The following PDE4B variants were observed in gnomAD, a reference collection of about 807,000 sequenced individuals.
PDE4B encodes the protein phosphodiesterase 4B.
A neutral mutation model predicts 82.2 loss-of-function variants in PDE4B; 20 were observed. The ratio of observed to expected loss-of-function variants is 0.24; its 90% CI spans 0.17 to 0.35. The LOEUF (loss-of-function observed/expected upper bound fraction) is 0.35. Ranked by LOEUF, PDE4B falls within the 10% of genes least tolerant of loss-of-function variation. The probability of loss-of-function intolerance (pLI) is 1.00; values close to 1 mark genes in which losing one functional copy is unlikely to be tolerated. For synonymous variants in PDE4B, 320 were observed against 318.9 expected, an observed-to-expected ratio of 1.00 and a Z score of -0.04; for missense variants, 655 against 907.2, an observed-to-expected ratio of 0.72 and a Z score of 3.57.
intron 3 of PDE4B, among the ~76,000 whole-genome samples, chr1:66,222,887 C>T (rs76537799): frequency 0.13 from 19,340 of 152,080 alleles, 1,422 homozygotes; most frequent in Non-Finnish European, 0.17. Flanking sequence ...GAAAAATTGG[C>T]ATCTTAATGG....
intron 8 of PDE4B, among the ~76,000 whole-genome samples, chr1:66,338,111 C>A (rs1011762149): frequency 2.0e-5 from 3 of 152,210 alleles, no homozygotes; most frequent in Middle Eastern, 3.2e-3. Flanking sequence ...TTACCTCATT[C>A]TGTAATCAAT....
At chr1:65,955,939 A>G (rs1649236552) in intron 3 of PDE4B, among the ~76,000 whole-genome samples, 1 of 152,148 alleles carries the variant, frequency 6.6e-6, no homozygotes, top group South Asian at 2.1e-4. Context: ...AAAAAGAAAT[A>G]TGCTACCACT....
intron 3 of PDE4B, among the ~76,000 whole-genome samples, chr1:66,113,981 G>A (rs535169702): frequency 2.6e-5 from 4 of 152,216 alleles, no homozygotes; most frequent in African/African-American, 7.2e-5. Flanking sequence ...CTGAATGTTC[G>A]TGTCTCCCTA....
In PDE4B at chr1:66,030,076, A is replaced by G. The variant is rs1340461748; in HGVS notation, c.281+111241A>G. ...TTATCATGAAGGGATGTTGGATTTT[A>G]TTGAAGGCTTTTTCTGCATCTATTG... is the stretch of plus-strand genomic sequence containing the variant. On this transcript the variant is annotated intron_variant, in intron 3 of 16. Transcript: ENST00000341517. Among the ~76,000 whole-genome samples, 3 of 133,638 alleles carry G rather than the reference A, an allele frequency of 2.2e-5. No individual in the cohort carries two copies. The East Asian group carries it at 6.6e-4, about 29-fold the overall frequency. 87.7% of individuals were successfully genotyped at this position (133,638 alleles called of 152,430 possible).
chr1:66,029,634 A>G (rs932536234), intron 3 of PDE4B, among the ~76,000 whole-genome samples: 3 of 152,196 alleles, frequency 2.0e-5, no homozygotes, highest in African/African-American at 7.2e-5. Flanking sequence ...GTATGTATGA[A>G]TGTTACTTTT....
At chr1:66,291,371 A>G (rs1657066932) in intron 7 of PDE4B, among the ~76,000 whole-genome samples, 1 of 152,200 alleles carries the variant, frequency 6.6e-6, no homozygotes, top group African/African-American at 2.4e-5. Context: ...CAAGTACAGT[A>G]TAATGGCAAA....
intron 1 of PDE4B, among the ~76,000 whole-genome samples, chr1:65,819,730 A>T (rs138003403): frequency 2.1e-3 from 322 of 151,956 alleles, no homozygotes; most frequent in African/African-American, 6.7e-3. Flanking sequence ...CGATCTCCTG[A>T]CCTCATGATC....
chr1:65,983,109 T>C (rs888744371), intron 3 of PDE4B, among the ~76,000 whole-genome samples: 3 of 152,248 alleles, frequency 2.0e-5, no homozygotes, highest in East Asian at 1.9e-4. Context: ...TTTGGACTTA[T>C]GATCTCTTTC....
intron 3 of PDE4B, among the ~76,000 whole-genome samples, chr1:66,093,553 C>T (rs1219572832): frequency 6.6e-6 from 1 of 151,896 alleles, no homozygotes; most frequent in Non-Finnish European, 1.5e-5. Flanking sequence ...CAATATGGAC[C>T]GTATGTCATA....
chr1:66,048,003 G>T (rs546502021), intron 3 of PDE4B, among the ~76,000 whole-genome samples: 1 of 151,846 alleles, frequency 6.6e-6, no homozygotes, highest in African/African-American at 2.4e-5. Context: ...TCTTTCTTTG[G>T]ATGGCGTCTA....
chr1:66,000,708 A>G (rs1279339011), intron 3 of PDE4B, among the ~76,000 whole-genome samples: 1 of 152,214 alleles, frequency 6.6e-6, no homozygotes, highest in Non-Finnish European at 1.5e-5. Flanking sequence ...GAGAATGCCT[A>G]TGAGATGATG....
intron 3 of PDE4B, among the ~76,000 whole-genome samples, chr1:65,978,440 G>T (rs1650524560): frequency 1.3e-5 from 2 of 152,162 alleles, no homozygotes; most frequent in Non-Finnish European, 2.9e-5. Flanking sequence ...CAGAAAGCCT[G>T]AAGGAATTTC....
intron 3 of PDE4B, among the ~76,000 whole-genome samples, chr1:66,118,953 A>G (rs1645653848): frequency 6.6e-6 from 1 of 152,178 alleles, no homozygotes; most frequent in Non-Finnish European, 1.5e-5. Flanking sequence ...TCTCACAGGA[A>G]CAGCTAATGT....
intron 3 of PDE4B, among the ~76,000 whole-genome samples, chr1:66,034,691 C>T (rs971478138): frequency 6.6e-6 from 1 of 152,168 alleles, no homozygotes; most frequent in Non-Finnish European, 1.5e-5. Flanking sequence ...GAATGAACCT[C>T]ACTTTTCTGT....
chr1:65,828,064 C>T (rs1022653506), intron 1 of PDE4B, among the ~76,000 whole-genome samples: 9 of 151,912 alleles, frequency 5.9e-5, no homozygotes, highest in Non-Finnish European at 8.8e-5. Flanking sequence ...GAAAATTAAA[C>T]GCCTTCTCAG....
intron 3 of PDE4B, among the ~76,000 whole-genome samples, chr1:66,068,770 C>A (rs969156392): frequency 6.6e-6 from 1 of 151,898 alleles, no homozygotes; most frequent in Non-Finnish European, 1.5e-5. Flanking sequence ...AATCTGGGAT[C>A]ATGGAAAAGG....
chr1:66,268,667 CAAAAAAAAAAAAAAA>C (rs36046564), intron 7 of PDE4B, among the ~76,000 whole-genome samples: 1 of 61,238 alleles, frequency 1.6e-5, no homozygotes, highest in African/African-American at 7.2e-5. Context: ...GACTCCATCT[CAAAAAAAAAAAAAAA>C]AAAAAAAAAG....
At chr1:66,101,596 T>A (rs1247809972) in intron 3 of PDE4B, among the ~76,000 whole-genome samples, 7 of 152,204 alleles carry the variant, frequency 4.6e-5, no homozygotes, top group Non-Finnish European at 8.8e-5. Flanking sequence ...TGATGAGCAT[T>A]TTTTCATGTG....
chr1:66,268,881 T>C (rs1441394957), intron 7 of PDE4B, among the ~76,000 whole-genome samples: 2 of 152,128 alleles, frequency 1.3e-5, no homozygotes, highest in Non-Finnish European at 2.9e-5. Flanking sequence ...TGATATACTT[T>C]AATTCAAGGC....
Sources: allele counts gnomAD v4.1 joint callset (sites outside exome capture counted in the v4.1 genomes callset), GRCh38; gene constraint gnomAD v4.1.1; transcripts MANE v1.5; gene names NCBI Gene and HGNC (gene_info 2026-07-23, HGNC 2026-07-21).